THAP9: variants seen among roughly 807,000 people sequenced by gnomAD.
THAP9 encodes THAP domain containing 9.
Under a neutral mutation model 35.7 loss-of-function variants are expected in THAP9, and 20 were observed. That is an observed-to-expected ratio of 0.56 (90% CI 0.39 to 0.81). THAP9 has a LOEUF of 0.81. Ranked by LOEUF, THAP9 falls within the 40% of genes least tolerant of loss-of-function variation. THAP9 has a pLI of 0.00. For synonymous variants in THAP9, 335 were observed against 373.7 expected (o/e 0.90, Z 1.19); for missense variants, 870 against 1,047.4 (o/e 0.83, Z 2.34).
chr4:82,914,060 C>G (rs1451305433), intron 4 of THAP9, among the ~76,000 whole-genome samples: 2 of 152,148 alleles, frequency 1.3e-5, no homozygotes, highest in East Asian at 1.9e-4. Flanking sequence ...TTAGCTCCCA[C>G]TTATAATTGA....
In THAP9 at chr4:82,918,766, G is replaced by T; in HGVS notation, c.2554G>T (p.Ala852Ser). The change falls in exon 5 of 5, where the codon GCA becomes TCA. Residue 852 changes from alanine to serine, a missense_variant. Around this residue, in one of 3 missense-constraint regions of THAP9, gnomAD observed 414 missense variants for 500.8 expected, o/e 0.83. Coordinates refer to ENST00000302236, the MANE Select transcript of THAP9 (RefSeq NM_024672.6). Reference sequence around the variant, plus strand: ...CTTAAATATCAGAGCTAAAAATGTTGCACAGAATCCTTTAAAACATCATTC... The same window carrying T: ...CTTAAATATCAGAGCTAAAAATGTTTCACAGAATCCTTTAAAACATCATTC... Reference protein sequence around the residue: ...CFLNIRAKNVAQNPLKHHSER... With the variant: ...CFLNIRAKNVSQNPLKHHSER... 1 of 1,613,754 alleles carries T rather than the reference G, an allele frequency of 6.2e-7. No individual in the cohort carries two copies. The highest frequency in any genetic ancestry group is 8.5e-7 in the Non-Finnish European group (1 of 1,179,888).
At position 82,901,229 on chromosome 4, in the gene THAP9, C is replaced by A; in HGVS notation, c.80+347C>A. 3.8e-6 allele frequency: 2 copies of A among 529,514 alleles called. 1 individual carries two copies. Among genetic ancestry groups the A allele is most frequent in the Non-Finnish European group, 7.3e-6 (2 of 274,394 alleles). The allele number at this position is 529,514 out of a possible 1,614,324, so 32.8% of individuals were successfully genotyped here. A position where few individuals can be genotyped will look rare whatever the true frequency, so the allele number is the denominator to read the frequency against. ...GACAACGGTTGAAGTGTGTGTGTGG[C>A]GTCTTCCTGAGCACGAGTACAGATC... On this transcript the variant is annotated intron_variant, in intron 1 of 4. Coordinates refer to ENST00000302236, the MANE Select transcript of THAP9 (RefSeq NM_024672.6).
In THAP9 at chr4:82,900,849, T is replaced by C. The variant is rs1461879087; in HGVS notation, c.47T>C (p.Val16Ala). ...GTGGGCTGCAGCACCCGTGACACCG[T>C]GCTCAGCCGGGAGCGCGGCCTCTCC... ...SAVGCSTRDT[V>A]LSRERGLSFH... Residue 16 changes from valine to alanine, a missense_variant, in exon 1 of 5, where the codon GTG becomes GCG. By Grantham distance (64) the Val-to-Ala change is moderately conservative (BLOSUM62 0). Coordinates refer to ENST00000302236, the MANE Select transcript of THAP9 (RefSeq NM_024672.6). 3.7e-6 allele frequency: 6 copies of C among 1,613,514 alleles called. No homozygotes were observed. Among genetic ancestry groups the C allele is most frequent in the Non-Finnish European group, 4.2e-6 (5 of 1,180,028 alleles).
intron 4 of THAP9, among the ~76,000 whole-genome samples, chr4:82,908,663 GC>G (rs1218748060): frequency 2.0e-5 from 3 of 152,154 alleles, no homozygotes; most frequent in Non-Finnish European, 4.4e-5. Context: ...CACAATCTCG[GC>G]TCACTGCAAC....
Position 82,918,583 on chromosome 4 carries a change from G to C in THAP9, c.2371G>C (p.Val791Leu). Residue 791 changes from valine (V) to leucine (L), a missense_variant, in exon 5 of 5, where the codon GTT becomes CTT. Val to Leu is a conservative substitution (Grantham distance 32). Transcript: ENST00000302236. ...TTCAAGAATGGCAATTTTTGAACTAGTTTCTAAACAAAGGGAATTGTATCT... is the reference window on the plus strand; with the variant it reads ...TTCAAGAATGGCAATTTTTGAACTACTTTCTAAACAAAGGGAATTGTATCT... The part of the protein sequence containing the change: ...THSRMAIFEL[V>L]SKQRELYLQQ... 1 of 1,613,986 alleles carries C rather than the reference G, an allele frequency of 6.2e-7. No individual in the cohort carries two copies. Among genetic ancestry groups the C allele is most frequent in the Non-Finnish European group, 8.5e-7 (1 of 1,179,920 alleles).
intron 2 of THAP9, among the ~76,000 whole-genome samples, chr4:82,905,583 C>G (rs1337292592): frequency 6.6e-6 from 1 of 152,122 alleles, no homozygotes; most frequent in African/African-American, 2.4e-5. Context: ...TTCCCCTATT[C>G]GGAAGTATTT....
chr4:82,901,874 A>G (rs942795068), intron 1 of THAP9, among the ~76,000 whole-genome samples: 1 of 152,130 alleles, frequency 6.6e-6, no homozygotes, highest in African/African-American at 2.4e-5. Context: ...TTCCAATTTT[A>G]ATTGAGTATT....
chr4:82,906,684 C>A, intron 3 of THAP9, 57 bp downstream of exon 3: 1 of 1,469,138 alleles, frequency 6.8e-7, no homozygotes, highest in Non-Finnish European at 9.1e-7. Context: ...TCTGAGGTAC[C>A]ATTAAGTATT....
At chr4:82,912,599 G>A (rs1190934898) in intron 4 of THAP9, among the ~76,000 whole-genome samples, 3 of 152,212 alleles carry the variant, frequency 2.0e-5, no homozygotes, top group Non-Finnish European at 4.4e-5. Flanking sequence ...CGCAAGGACA[G>A]TTTGGGAATA....
At chr4:82,913,553 T>A (rs1720937307) in intron 4 of THAP9, 1 of 150,990 alleles carries the variant, frequency 6.6e-6, no homozygotes, top group African/African-American at 2.4e-5. Flanking sequence ...ATTGTCTTAC[T>A]GTTTTTTCCT....
chr4:82,918,042 T>A lies in THAP9; in HGVS notation c.1830T>A (p.Asp610Glu), dbSNP rs764802097. The A allele has an allele frequency of 1.9e-6, 3 of 1,613,974 alleles. No homozygotes were observed. The African/African-American group carries it at 4.0e-5, about 22-fold the overall frequency. The change falls in exon 5 of 5, where the codon GAT (aspartate) becomes GAA (glutamate). Residue 610 changes from aspartate (D) to glutamate (E), a missense_variant. Asp to Glu is a conservative substitution (Grantham distance 45). Around this residue, in one of 3 missense-constraint regions of THAP9, gnomAD observed 414 missense variants for 500.8 expected, o/e 0.83. Transcript: ENST00000302236. ...PYLLTYKFSH[D>E]HLELFLKMLR... is the part of the protein sequence containing the mutation. Reference sequence around the variant, plus strand: ...TTCTGACTTACAAATTCAGTCATGATCATCTGGAATTATTTCTAAAGATGC... The same window carrying A: ...TTCTGACTTACAAATTCAGTCATGAACATCTGGAATTATTTCTAAAGATGC...
chr4:82,919,969 A>G lies in THAP9; in HGVS notation c.*1045A>G, dbSNP rs973883022. The G allele has an allele frequency of 6.6e-6, 1 of 152,240 alleles. No individual in the cohort carries two copies. 9.4% of individuals were successfully genotyped at this position (152,240 alleles called of 1,614,324 possible). A position where few individuals can be genotyped will look rare whatever the true frequency, so the allele number is the denominator to read the frequency against. ...TTGATTAAAATTCCCCTTACAAAGT[A>G]TATTTTGATGTTTGTTTATTCTACC... On this transcript the variant is annotated 3_prime_UTR_variant, in exon 5 of 5. Coordinates refer to ENST00000302236, the MANE Select transcript of THAP9 (RefSeq NM_024672.6).
chr4:82,918,243 G>C lies in THAP9; in HGVS notation c.2031G>C (p.Gln677His), dbSNP rs777736448. 1.5e-5 allele frequency: 24 copies of C among 1,614,076 alleles called. No individual in the cohort carries two copies. Among genetic ancestry groups the C allele is most frequent in the Non-Finnish European group, 2.0e-5 (24 of 1,180,024 alleles). ...TGGCGCTTTGGACAGTTCAACGTCA[G>C]TATGGTGTCAGCGTTACAAAGACTG... ...KDLALWTVQRQYGVSVTKTVF... is the reference protein window; with the variant it reads ...KDLALWTVQRHYGVSVTKTVF... The change falls in exon 5 of 5, where the codon CAG becomes CAC. Residue 677 changes from glutamine to histidine, a missense_variant. By Grantham distance (24) the Gln-to-His change is conservative. Transcript: ENST00000302236.
Position 82,918,696 on chromosome 4 carries a change from CATCA to C in THAP9, c.2489_2492del (p.Asn830ThrfsTer6). 1 of 1,613,926 alleles carries C rather than the reference CATCA, an allele frequency of 6.2e-7. No individual in the cohort carries two copies. Among genetic ancestry groups the C allele is most frequent in the South Asian group, 1.1e-5 (1 of 91,050 alleles). Reference sequence around the variant, plus strand: ...ATCTCTTTGATGGAGAAGTGTGTGCCATCAATCACTTTGTCAAGTTGCTAAAGGA... The same window carrying C: ...ATCTCTTTGATGGAGAAGTGTGTGCCATCACTTTGTCAAGTTGCTAAAGGA... On this transcript the variant is annotated frameshift_variant, in exon 5 of 5. Coordinates refer to ENST00000302236, the MANE Select transcript of THAP9 (RefSeq NM_024672.6). LOFTEE classifies it low-confidence loss of function (END_TRUNC).
In THAP9 at chr4:82,919,018, A is replaced by C; in HGVS notation, c.*94A>C. Reference sequence around the variant, plus strand: ...ATATTTTATAAATTGCGCATTCTGCACAGTGGACAAGTTTGCAATTCTGAC... The same window carrying C: ...ATATTTTATAAATTGCGCATTCTGCCCAGTGGACAAGTTTGCAATTCTGAC... On this transcript the variant is annotated 3_prime_UTR_variant, in exon 5 of 5. Transcript: ENST00000302236. 7 of 1,037,234 alleles carry C rather than the reference A, an allele frequency of 6.7e-6. No individual in the cohort carries two copies. Among genetic ancestry groups the C allele is most frequent in the Non-Finnish European group, 9.7e-6 (7 of 724,030 alleles). The allele number at this position is 1,037,234 out of a possible 1,614,324, so 64.3% of individuals were successfully genotyped here. A position where few individuals can be genotyped will look rare whatever the true frequency, so the allele number is the denominator to read the frequency against.
In THAP9 at chr4:82,919,452, A is replaced by G. The variant is rs1721163553; in HGVS notation, c.*528A>G. The G allele has an allele frequency of 6.6e-6, 1 of 152,558 alleles. No individual in the cohort carries two copies. Among genetic ancestry groups the G allele is most frequent in the Non-Finnish European group, 1.5e-5 (1 of 68,336 alleles). 9.5% of individuals were successfully genotyped at this position (152,558 alleles called of 1,614,324 possible). The stretch of plus-strand genomic sequence containing the variant: ...AATACTGCAAAAATCCCCTTGTCCC[A>G]GGATACCCTAAAATAGAAGTGCTTA... On this transcript the variant is annotated 3_prime_UTR_variant, in exon 5 of 5. Coordinates refer to ENST00000302236, the MANE Select transcript of THAP9 (RefSeq NM_024672.6).
At chr4:82,904,245 A>G (rs1720549787) in intron 1 of THAP9, among the ~76,000 whole-genome samples, 1 of 151,842 alleles carries the variant, frequency 6.6e-6, no homozygotes, top group African/African-American at 2.4e-5. Context: ...TTATATGTTT[A>G]GTAGAGACGG....
At position 82,907,916 on chromosome 4, in the gene THAP9, C is replaced by T. The variant is rs953470148; in HGVS notation, c.712C>T (p.His238Tyr). ...DYVRKILKLPHSSILRTWLSK... is the reference protein window; with the variant it reads ...DYVRKILKLPYSSILRTWLSK... ...TGTAAGAAAGATTCTTAAGCTGCCTCATTCTTCCATCCTCAGAACGTAAGT... is the reference window on the plus strand; with the variant it reads ...TGTAAGAAAGATTCTTAAGCTGCCTTATTCTTCCATCCTCAGAACGTAAGT... The change falls in exon 4 of 5, where the codon CAT becomes TAT. Residue 238 changes from histidine (H) to tyrosine (Y), a missense_variant. Around this residue, in one of 3 missense-constraint regions of THAP9, gnomAD observed 440 missense variants for 501.2 expected, o/e 0.88. Transcript: ENST00000302236. The T allele has an allele frequency of 6.2e-7, 1 of 1,609,070 alleles. No homozygotes were observed. Among genetic ancestry groups the T allele is most frequent in the Non-Finnish European group, 8.5e-7 (1 of 1,178,610 alleles).
At chr4:82,901,572 A>C (rs1339530628) in intron 1 of THAP9, among the ~76,000 whole-genome samples, 1 of 152,172 alleles carries the variant, frequency 6.6e-6, no homozygotes, top group African/African-American at 2.4e-5. Flanking sequence ...GGTAGTTAGG[A>C]ATGGCATGGG....
Sources: allele counts gnomAD v4.1 joint callset (sites outside exome capture counted in the v4.1 genomes callset), GRCh38; gene constraint gnomAD v4.1.1; regional missense constraint gnomAD v4.1.1; transcripts MANE v1.5; gene names NCBI Gene and HGNC (gene_info 2026-07-23, HGNC 2026-07-21).